CIDEB: variants seen among roughly 807,000 people sequenced by gnomAD.
CIDEB encodes the protein cell death inducing DFFA like effector b.
Under a neutral mutation model 22.4 loss-of-function variants are expected in CIDEB, and 27 were observed. That is an observed-to-expected ratio of 1.21 (90% CI 0.89 to 1.66). The LOEUF (loss-of-function observed/expected upper bound fraction) is 1.66. Ranked by LOEUF, CIDEB falls within the 40% of genes most tolerant of loss-of-function variation. The pLI, the probability that CIDEB is intolerant of heterozygous loss-of-function variation, is 0.00. For missense variants in CIDEB, 289 were observed against 268.7 expected (o/e 1.08, Z -0.53); for synonymous variants, 103 against 109.5 (o/e 0.94, Z 0.37).
upstream of CIDEB, chr14:24,310,984 C>T: frequency 6.3e-7 from 1 of 1,590,358 alleles, no homozygotes; most frequent in Non-Finnish European, 8.5e-7. Context: ...AGCATGTACG[C>T]CAGCGTGCTG....
At chr14:24,311,189 G>A, upstream of CIDEB, 1 of 1,607,862 alleles carries the variant, frequency 6.2e-7, no homozygotes, top group Non-Finnish European at 8.5e-7. Flanking sequence ...ACCCGTCGCC[G>A]GTCCACGCCG....
rs1032207779 is a variant in CIDEB, at chr14:24,305,474, G to A, written c.*159C>T. 7 of 846,848 alleles carry A rather than the reference G, an allele frequency of 8.3e-6. No homozygotes were observed. Among genetic ancestry groups the A allele is most frequent in the South Asian group, 3.6e-5 (2 of 55,758 alleles). The allele number at this position is 846,848 out of a possible 1,614,324, so 52.5% of individuals were successfully genotyped here. A position where few individuals can be genotyped will look rare whatever the true frequency, so the allele number is the denominator to read the frequency against. ...AGGGTATAGACTTGGGATGTGAGGC[G>A]TTATGCTGAAAGGTTCTGTCACGAG... On this transcript the variant is annotated 3_prime_UTR_variant, in exon 5 of 5. Transcript: ENST00000554411.
chr14:24,311,245 T>G (rs757615793), upstream of CIDEB: 1 of 1,607,686 alleles, frequency 6.2e-7, no homozygotes. Context: ...GTGCTTCCTT[T>G]CGGGCTGATG....
At chr14:24,311,055 C>G, upstream of CIDEB, 5 of 1,571,628 alleles carry the variant, frequency 3.2e-6, no homozygotes, top group South Asian at 1.1e-5. Context: ...CCTGGCGCCT[C>G]GGCTGCGCAG....
rs2041556480 is a variant in CIDEB at position 24,307,584 on chromosome 14, G to A, written c.42-69C>T. 5 of 1,552,372 alleles carry A rather than the reference G, an allele frequency of 3.2e-6. No individual in the cohort carries two copies. In the Admixed American group the frequency reaches 8.7e-5, roughly 27 times the overall value. ...TGGTGAGTGTAAAGGGCATGATGAG[G>A]GTAGAGTGGCTAGAGGGCTAGGGAG... On this transcript the variant is annotated intron_variant, in intron 1 of 4. Coordinates refer to ENST00000554411, the MANE Select transcript of CIDEB (RefSeq NM_001393339.1).
chr14:24,310,989 G>T, upstream of CIDEB: 2 of 1,589,576 alleles, frequency 1.3e-6, no homozygotes, highest in Non-Finnish European at 1.7e-6. Context: ...GTACGCCAGC[G>T]TGCTGCTCAC....
chr14:24,310,387 AT>A, upstream of CIDEB: 1 of 617,808 alleles, frequency 1.6e-6, no homozygotes, highest in Admixed American at 2.8e-5. Context: ...GCCTGGGGTG[AT>A]GACTTTATGC....
At chr14:24,306,999 T>C (rs1300103024) in intron 2 of CIDEB, 1 of 246,454 alleles carries the variant, frequency 4.1e-6, no homozygotes, top group Non-Finnish European at 8.0e-6. Flanking sequence ...TGTATTATTA[T>C]TGCCTTTTTA....
chr14:24,311,050 C>A (rs773477299), upstream of CIDEB: 1 of 1,574,386 alleles, frequency 6.4e-7, no homozygotes, highest in Non-Finnish European at 8.5e-7. Context: ...CCCTTCCTGG[C>A]GCCTCGGCTG....
upstream of CIDEB, chr14:24,310,591 C>G: frequency 6.9e-7 from 1 of 1,455,150 alleles, no homozygotes; most frequent in Non-Finnish European, 9.7e-7. Flanking sequence ...TCTCATCGGG[C>G]ATCACAGGTG....
At chr14:24,310,887 AC>A, upstream of CIDEB, 1 of 1,592,598 alleles carries the variant, frequency 6.3e-7, no homozygotes, top group Non-Finnish European at 8.5e-7. Flanking sequence ...GCTGCTGCTC[AC>A]GCCGCTCTTT....
At position 24,306,424 on chromosome 14, in the gene CIDEB, CA is replaced by C; in HGVS notation, c.285del (p.Asp95GlufsTer5). On this transcript the variant is annotated frameshift_variant, in exon 3 of 5. Transcript: ENST00000554411. LOFTEE classifies it high-confidence loss of function. The stretch of plus-strand genomic sequence containing the variant: ...GACTGCAACACCATCAGGCACGTGT[CA>C]TCCTCCAGCAGCTGGAAGAAGTCCT... ...DSEDFFQLLE[D>X]DTCLMVLQSG... The C allele has an allele frequency of 6.2e-6, 10 of 1,614,266 alleles. No individual in the cohort carries two copies. Among genetic ancestry groups the C allele is most frequent in the Non-Finnish European group, 8.5e-6 (10 of 1,180,044 alleles).
upstream of CIDEB, chr14:24,308,241 A>C: frequency 6.9e-6 from 2 of 289,220 alleles, no homozygotes; most frequent in Non-Finnish European, 1.3e-5. Context: ...AGGCTCTGAG[A>C]AGCTGCAGTT....
upstream of CIDEB, chr14:24,310,803 GGCTGGCGGCCTGCACGGGGGCGACC>G (rs545363343): frequency 1.4e-3 from 2,187 of 1,602,822 alleles, 1 homozygote; most frequent in East Asian, 2.6e-3. Context: ...GAGCTTGGCG[GGCTGGCGGCCTGCACGGGGGCGACC>G]GCTGGCGGCC....
Position 24,307,873 on chromosome 14 carries a change from T to C in CIDEB, c.-15A>G, listed in dbSNP as rs1181047275. 8.2e-6 allele frequency: 13 copies of C among 1,582,162 alleles called. No individual in the cohort carries two copies. The highest frequency in any genetic ancestry group is 1.1e-5 in the Non-Finnish European group (13 of 1,163,328). On this transcript the variant is annotated 5_prime_UTR_variant, in exon 1 of 5. Transcript: ENST00000554411. ...AGGTACTCCATGGTGGACCGGAGAG[T>C]TCCTTCCCTGGAACTTCTGGGCTGG...
chr14:24,305,671 C>A lies in CIDEB; in HGVS notation c.622G>T (p.Glu208Ter). Residue 208 changes from glutamate to a stop codon, truncating the protein, a stop_gained, in exon 5 of 5, where the codon GAG (glutamate) becomes TAG (stop). Transcript: ENST00000554411. LOFTEE classifies it high-confidence loss of function. ...AGGCGGCCCTTCTGCTGCCACTGCT[C>A]AGCCCCCTCCACTGCATGACGAAGG... ...STLRHAVEGA[E>*]QWQQKGRLHS... 1 of 1,614,208 alleles carries A rather than the reference C, an allele frequency of 6.2e-7. No individual in the cohort carries two copies. The highest frequency in any genetic ancestry group is 8.5e-7 in the Non-Finnish European group (1 of 1,180,032).
chr14:24,307,834 G>A lies in CIDEB; in HGVS notation c.25C>T (p.Pro9Ser). MEYLSALNPSDLLRSVSNI... is the reference protein window; with the variant it reads MEYLSALNSSDLLRSVSNI... The stretch of plus-strand genomic sequence containing the variant: ...AGCAGTCACCTGAGTAAGTCACTGG[G>A]GTTCAGAGCTGAGAGGTACTCCATG... The change falls in exon 1 of 5, where the codon CCC becomes TCC. Residue 9 changes from proline (P) to serine (S), a missense_variant. Transcript: ENST00000554411. 1.3e-6 allele frequency: 2 copies of A among 1,595,828 alleles called. No homozygotes were observed. The highest frequency in any genetic ancestry group is 1.7e-6 in the Non-Finnish European group (2 of 1,170,860).
chr14:24,310,743 C>A, upstream of CIDEB: 1 of 1,611,602 alleles, frequency 6.2e-7, no homozygotes, highest in Non-Finnish European at 8.5e-7. Flanking sequence ...CACAGCCTTC[C>A]TGCTGCTGGC....
In CIDEB at chr14:24,305,472, G is replaced by A; in HGVS notation, c.*161C>T. The A allele has an allele frequency of 3.7e-6, 3 of 811,082 alleles. No homozygotes were observed. The highest frequency in any genetic ancestry group is 5.7e-6 in the Non-Finnish European group (3 of 523,000). 50.2% of individuals were successfully genotyped at this position (811,082 alleles called of 1,614,324 possible). Reference sequence around the variant, plus strand: ...TAAGGGTATAGACTTGGGATGTGAGGCGTTATGCTGAAAGGTTCTGTCACG... The same window carrying A: ...TAAGGGTATAGACTTGGGATGTGAGACGTTATGCTGAAAGGTTCTGTCACG... On this transcript the variant is annotated 3_prime_UTR_variant, in exon 5 of 5. Transcript: ENST00000554411.
Sources: gnomAD v4.1 joint callset for allele counts on GRCh38, gnomAD v4.1.1 for gene constraint, MANE v1.5 for transcripts, NCBI Gene and HGNC (gene_info 2026-07-23, HGNC 2026-07-21) for gene names.